The following KMO variants were observed in gnomAD, a reference collection of about 807,000 sequenced individuals.
The protein encoded by KMO is kynurenine 3-monooxygenase, also known as kynurenine 3-hydroxylase.
A neutral mutation model predicts 57.8 loss-of-function variants in KMO; 24 were observed. That is an observed-to-expected ratio of 0.42 (90% CI 0.30 to 0.58). KMO has a LOEUF of 0.58. KMO is among the 20% of genes least tolerant of loss of function. The pLI is 0.22. For synonymous variants in KMO, 210 were observed against 193.6 expected, an observed-to-expected ratio of 1.08 and a Z score of -0.70; for missense variants, 483 against 588.2, an observed-to-expected ratio of 0.82 and a Z score of 1.85.
At chr1:241,586,795 T>C (rs953711027) in intron 11 of KMO, 59 bp downstream of exon 11, 1 of 1,166,334 alleles carries the variant, frequency 8.6e-7, no homozygotes, top group East Asian at 2.4e-5. Context: ...AATTGTGGGC[T>C]TATTTCTGAT....
In KMO at chr1:241,592,722, G is replaced by GTCTATCTATCATCTA. The variant is rs1558434844; in HGVS notation, c.*579_*580insATCTATCTATCTATC. On this transcript the variant is annotated 3_prime_UTR_variant, in exon 15 of 15. Coordinates refer to ENST00000366559, the MANE Select transcript of KMO (RefSeq NM_003679.5). ...AAGTATTATCATCTATCTGTTTATC[G>GTCTATCTATCATCTA]TCTATCTATCTATCATCTATCTATC... The GTCTATCTATCATCTA allele has an allele frequency of 6.8e-6, 1 of 146,828 alleles. No individual in the cohort carries two copies. Among genetic ancestry groups the GTCTATCTATCATCTA allele is most frequent in the Non-Finnish European group, 1.5e-5 (1 of 66,184 alleles). 9.1% of individuals were successfully genotyped at this position (146,828 alleles called of 1,614,324 possible).
At chr1:241,568,359 T>C (rs1662156222) in intron 9 of KMO, 141 bp from the exon 10 acceptor site, 6 of 783,810 alleles carry the variant, frequency 7.7e-6, no homozygotes, top group East Asian at 2.6e-5. Flanking sequence ...AAAACTTCAG[T>C]TTTTCCCTTT....
rs1038707139 is a variant in KMO at position 241,552,956 on chromosome 1, T to A, written c.312+1912T>A. Reference sequence around the variant, plus strand: ...CTCAGTTCTTAATCCTAACCTAACCTCTTATGCTCAAAATAGAGAAATGGC... The same window carrying A: ...CTCAGTTCTTAATCCTAACCTAACCACTTATGCTCAAAATAGAGAAATGGC... On this transcript the variant is annotated intron_variant, in intron 4 of 14. Coordinates refer to ENST00000366559, the MANE Select transcript of KMO (RefSeq NM_003679.5). Among the ~76,000 whole-genome samples the A allele has an allele frequency of 3.9e-5, 6 of 152,244 alleles. No individual in the cohort carries two copies. The South Asian group carries it at 1.2e-3, about 32-fold the overall frequency.
Position 241,586,706 on chromosome 1 carries a change from G to A in KMO, c.985G>A (p.Glu329Lys). ...CTTTGAAGACTGCTTGGTATTTGATGAGTTAATGGATAAATTCAGTAACGA... is the reference window on the plus strand; with the variant it reads ...CTTTGAAGACTGCTTGGTATTTGATAAGTTAATGGATAAATTCAGTAACGA... ...AGFEDCLVFD[E>K]LMDKFSNDLS... The change falls in exon 11 of 15, where the codon GAG becomes AAG. Residue 329 changes from glutamate to lysine, a missense_variant. By Grantham distance (56) the Glu-to-Lys change is moderately conservative. Coordinates refer to ENST00000366559, the MANE Select transcript of KMO (RefSeq NM_003679.5). 6.2e-7 allele frequency: 1 copy of A among 1,604,366 alleles called. No homozygotes were observed. The highest frequency in any genetic ancestry group is 8.5e-7 in the Non-Finnish European group (1 of 1,176,152).
At chr1:241,579,171 A>T (rs1252030122) in intron 10 of KMO, among the ~76,000 whole-genome samples, 1 of 152,154 alleles carries the variant, frequency 6.6e-6, no homozygotes, top group East Asian at 1.9e-4. Context: ...CTACCTGCAG[A>T]TGCTGTCTGT....
At chr1:241,538,119 C>T (rs983066303) in intron 1 of KMO, among the ~76,000 whole-genome samples, 13 of 152,082 alleles carry the variant, frequency 8.5e-5, no homozygotes, top group African/African-American at 3.1e-4. Flanking sequence ...GTGGTCTGAG[C>T]ATGCATAATC....
chr1:241,554,809 A>G (rs537854338), intron 4 of KMO, among the ~76,000 whole-genome samples: 1 of 116,788 alleles, frequency 8.6e-6, no homozygotes, highest in South Asian at 2.9e-4. Flanking sequence ...CATTTCTACT[A>G]AAAATACAAA....
chr1:241,548,276 T>G (rs1235766667), intron 1 of KMO, among the ~76,000 whole-genome samples: 1 of 151,952 alleles, frequency 6.6e-6, no homozygotes, highest in African/African-American at 2.4e-5. Context: ...ACAAAAAAAC[T>G]TAAAAAATTT....
intron 5 of KMO, 170 bp downstream of exon 5, chr1:241,555,830 G>A (rs1661597087): frequency 2.1e-6 from 1 of 471,378 alleles, no homozygotes; most frequent in East Asian, 3.2e-5. Context: ...GCTCATGCCT[G>A]TAATCCCAGC....
At position 241,533,197 on chromosome 1, in the gene KMO, G is replaced by A. The variant is rs954029717; in HGVS notation, c.54+699G>A. Reference sequence around the variant, plus strand: ...GTTCTGTTTAACATGGGTCTGCTCCGATTCAACTTTGCTTTTTCCCATCTC... The same window carrying A: ...GTTCTGTTTAACATGGGTCTGCTCCAATTCAACTTTGCTTTTTCCCATCTC... On this transcript the variant is annotated intron_variant, in intron 1 of 14. Transcript: ENST00000366559. Among the ~76,000 whole-genome samples, 8 of 152,318 alleles carry A rather than the reference G, an allele frequency of 5.3e-5. No homozygotes were observed. The East Asian group carries it at 5.8e-4, about 11-fold the overall frequency.
At chr1:241,559,031 C>T (rs923446277) in intron 5 of KMO, among the ~76,000 whole-genome samples, 1 of 150,384 alleles carries the variant, frequency 6.6e-6, no homozygotes, top group Non-Finnish European at 1.5e-5. Context: ...ATCCTGGAGG[C>T]GGAGGCTGCA....
At chr1:241,576,115 T>C (rs1455371448) in intron 10 of KMO, among the ~76,000 whole-genome samples, 1 of 151,916 alleles carries the variant, frequency 6.6e-6, no homozygotes, top group Non-Finnish European at 1.5e-5. Context: ...GCATGGAGTA[T>C]CTTTTTACAC....
At chr1:241,589,583 C>A (rs535600239) in intron 12 of KMO, among the ~76,000 whole-genome samples, 3 of 152,098 alleles carry the variant, frequency 2.0e-5, no homozygotes. Context: ...GGGATGGCTA[C>A]GACACAGTAT....
chr1:241,548,176 A>C (rs766567361), intron 1 of KMO, among the ~76,000 whole-genome samples: 2 of 152,022 alleles, frequency 1.3e-5, no homozygotes, highest in Non-Finnish European at 2.9e-5. Flanking sequence ...CATGCCTATA[A>C]TTCTAGCACT....
intron 10 of KMO, among the ~76,000 whole-genome samples, chr1:241,576,301 T>C (rs2147974435): frequency 6.6e-6 from 1 of 152,242 alleles, no homozygotes; most frequent in East Asian, 1.9e-4. Flanking sequence ...TCAGTCATCA[T>C]GTTAATTGTT....
rs146332095 is a variant in KMO, at chr1:241,564,035, C to T, written c.616-952C>T. Among the ~76,000 whole-genome samples, 464 of 152,194 alleles carry T rather than the reference C, an allele frequency of 3.0e-3. 8 individuals are homozygous for T. The highest frequency in any genetic ancestry group is 2.5e-3 in the Non-Finnish European group (171 of 68,006). ...GCACTGTAAGGTCAAGAGTTATGCA[C>T]GTACTCATTTCTGTGTCTGTGTGTT... is the stretch of plus-strand genomic sequence containing the variant. On this transcript the variant is annotated intron_variant, in intron 7 of 14. Transcript: ENST00000366559.
At chr1:241,545,277 A>G (rs1476862419) in intron 1 of KMO, among the ~76,000 whole-genome samples, 1 of 152,198 alleles carries the variant, frequency 6.6e-6, no homozygotes, top group Non-Finnish European at 1.5e-5. Context: ...CACTCTAAAG[A>G]TGTAAATTTT....
chr1:241,573,632 A>C (rs1321448422), intron 10 of KMO, among the ~76,000 whole-genome samples: 1 of 152,082 alleles, frequency 6.6e-6, no homozygotes, highest in Non-Finnish European at 1.5e-5. Context: ...CCATTGGTCT[A>C]TCTGTCTACT....
chr1:241,578,161 T>C (rs1182262006), intron 10 of KMO, among the ~76,000 whole-genome samples: 3 of 152,148 alleles, frequency 2.0e-5, no homozygotes, highest in Non-Finnish European at 4.4e-5. Context: ...CAAACTTCCA[T>C]GGGAGAAGCC....
Sources: allele counts gnomAD v4.1 joint callset (sites outside exome capture counted in the v4.1 genomes callset), GRCh38; gene constraint gnomAD v4.1.1; transcripts MANE v1.5; gene names NCBI Gene and HGNC (gene_info 2026-07-23, HGNC 2026-07-21).